The following MGAT4C variants were observed in gnomAD, a reference collection of about 807,000 sequenced individuals.
MGAT4C encodes alpha-1,3-mannosyl-glycoprotein 4-beta-N-acetylglucosaminyltransferase C.
In MGAT4C, 19 loss-of-function variants were observed where a neutral mutation model predicts 40.1. The observed-to-expected ratio is 0.47, with a 90% CI of 0.33 to 0.70. The LOEUF (loss-of-function observed/expected upper bound fraction) is 0.70. MGAT4C is among the 30% of genes least tolerant of loss of function. The pLI, the probability that MGAT4C is intolerant of heterozygous loss-of-function variation, is 0.02. For synonymous variants in MGAT4C, 181 were observed against 187.1 expected, an observed-to-expected ratio of 0.97 and a Z score of 0.27; for missense variants, 491 against 563.2, an observed-to-expected ratio of 0.87 and a Z score of 1.30.
At chr12:86,547,228 C>T (rs138003114) in intron 2 of MGAT4C, among the ~76,000 whole-genome samples, 2 of 151,956 alleles carry the variant, frequency 1.3e-5, no homozygotes, top group Non-Finnish European at 2.9e-5. Flanking sequence ...GTAATTGTGG[C>T]CTTTGCCAAA....
chr12:86,447,238 G>C (rs1036818187), intron 2 of MGAT4C, among the ~76,000 whole-genome samples: 7 of 152,092 alleles, frequency 4.6e-5, no homozygotes. Flanking sequence ...CAATTCTCCT[G>C]CCTCAGCCTC....
chr12:86,774,322 T>TCTTTC (rs1951703782), intron 1 of MGAT4C, among the ~76,000 whole-genome samples: 2 of 99,414 alleles, frequency 2.0e-5, no homozygotes, highest in South Asian at 4.2e-4. Flanking sequence ...TTTCTTTCTT[T>TCTTTC]CTTTCTTTCT....
intron 1 of MGAT4C, among the ~76,000 whole-genome samples, chr12:86,752,682 G>C (rs543629749): frequency 9.9e-5 from 15 of 152,058 alleles, no homozygotes; most frequent in African/African-American, 3.4e-4. Context: ...CAGCATTCAA[G>C]ATAGCCAAAT....
chr12:86,685,389 G>T (rs1950055993), intron 2 of MGAT4C, among the ~76,000 whole-genome samples: 1 of 152,080 alleles, frequency 6.6e-6, no homozygotes, highest in Non-Finnish European at 1.5e-5. Flanking sequence ...TGTTCCATTG[G>T]TCTATATATC....
rs10587166 is a variant in MGAT4C, at chr12:86,203,014, CTGTG to C, written c.-57+53221_-57+53224del. Among the ~76,000 whole-genome samples, 633 of 147,476 alleles carry C rather than the reference CTGTG, an allele frequency of 4.3e-3. 3 individuals carry two copies. The highest frequency in any genetic ancestry group is 7.0e-3 in the Middle Eastern group (2 of 286). On this transcript the variant is annotated intron_variant, in intron 1 of 4. Coordinates refer to ENST00000611864, the MANE Select transcript of MGAT4C (RefSeq NM_001351288.2). The stretch of plus-strand genomic sequence containing the variant: ...GCTGCTAAGTATATGTCACATTTTC[CTGTG>C]TGTGTGTGTGTGTGTGTGTGTGTGT...
intron 4 of MGAT4C, among the ~76,000 whole-genome samples, chr12:86,282,028 T>C (rs1407858358): frequency 6.6e-6 from 1 of 152,318 alleles, no homozygotes; most frequent in Admixed American, 6.5e-5. Flanking sequence ...ATATTTCAAT[T>C]ATAGCATTTT....
intron 1 of MGAT4C, among the ~76,000 whole-genome samples, chr12:86,224,068 C>G (rs1344787125): frequency 6.6e-6 from 1 of 152,136 alleles, no homozygotes; most frequent in East Asian, 1.9e-4. Context: ...CCGTGTGTAC[C>G]TACTAACACT....
chr12:86,585,763 T>G (rs1380174180), intron 2 of MGAT4C, among the ~76,000 whole-genome samples: 2 of 150,464 alleles, frequency 1.3e-5, no homozygotes, highest in Non-Finnish European at 3.0e-5. Flanking sequence ...CTTTTTTTTT[T>G]TCATTCCCCC....
chr12:86,715,716 C>G (rs1419301343), intron 2 of MGAT4C, among the ~76,000 whole-genome samples: 1 of 152,124 alleles, frequency 6.6e-6, no homozygotes, highest in African/African-American at 2.4e-5. Flanking sequence ...AAGTCTACTC[C>G]TTTTACTCTG....
chr12:86,673,567 T>C (rs1386282361), intron 2 of MGAT4C, among the ~76,000 whole-genome samples: 7 of 152,058 alleles, frequency 4.6e-5, no homozygotes, highest in Non-Finnish European at 1.0e-4. Flanking sequence ...AATAATATTT[T>C]ATTATGATAA....
chr12:86,530,914 C>A (rs1246162344), intron 2 of MGAT4C, among the ~76,000 whole-genome samples: 3 of 151,984 alleles, frequency 2.0e-5, no homozygotes, highest in Non-Finnish European at 2.9e-5. Flanking sequence ...ATACATATAT[C>A]TTACATAGAT....
At chr12:86,316,422 T>C (rs1954233060) in intron 4 of MGAT4C, among the ~76,000 whole-genome samples, 1 of 152,148 alleles carries the variant, frequency 6.6e-6, no homozygotes, top group Non-Finnish European at 1.5e-5. Flanking sequence ...CATTCATATG[T>C]TCATCACAGC....
intron 1 of MGAT4C, among the ~76,000 whole-genome samples, chr12:86,797,116 C>A (rs955921123): frequency 6.6e-6 from 1 of 151,740 alleles, no homozygotes; most frequent in Non-Finnish European, 1.5e-5. Flanking sequence ...AAAATTACAG[C>A]CATTGAAACT....
chr12:86,234,595 G>A (rs551499207), intron 1 of MGAT4C, among the ~76,000 whole-genome samples: 16 of 152,070 alleles, frequency 1.1e-4, no homozygotes, highest in Non-Finnish European at 2.2e-4. Context: ...TCTTGGGTAC[G>A]TAGTCAGAAA....
At chr12:86,281,123 T>C (rs1164404840) in intron 4 of MGAT4C, among the ~76,000 whole-genome samples, 4 of 152,118 alleles carry the variant, frequency 2.6e-5, no homozygotes, top group Non-Finnish European at 5.9e-5. Flanking sequence ...TTTTCTGTTG[T>C]TTATTGGCTC....
chr12:86,299,211 G>A (rs895303242), intron 4 of MGAT4C, among the ~76,000 whole-genome samples: 2 of 152,132 alleles, frequency 1.3e-5, no homozygotes, highest in African/African-American at 4.8e-5. Context: ...TGCCTCCTGG[G>A]GTTCAGTTCA....
intron 2 of MGAT4C, among the ~76,000 whole-genome samples, chr12:86,458,159 G>A (rs908991801): frequency 6.6e-6 from 1 of 151,978 alleles, no homozygotes; most frequent in Non-Finnish European, 1.5e-5. Flanking sequence ...TATTTTAGCA[G>A]CTACCTTAAA....
intron 1 of MGAT4C, among the ~76,000 whole-genome samples, chr12:86,238,511 T>C (rs897497462): frequency 2.0e-5 from 3 of 152,018 alleles, no homozygotes; most frequent in African/African-American, 7.2e-5. Context: ...GTTACAAAGC[T>C]GTTAGCTGAA....
intron 1 of MGAT4C, among the ~76,000 whole-genome samples, chr12:86,821,347 A>C (rs1307671843): frequency 6.6e-6 from 1 of 150,804 alleles, no homozygotes; most frequent in East Asian, 1.9e-4. Context: ...AAGTTAAGCA[A>C]CGTTTAATCT....
Sources: gnomAD v4.1 joint callset for allele counts (sites outside exome capture counted in the v4.1 genomes callset) on GRCh38, gnomAD v4.1.1 for gene constraint, MANE v1.5 for transcripts, NCBI Gene and HGNC (gene_info 2026-07-23, HGNC 2026-07-21) for gene names.